NKAIN2: variants seen among roughly 807,000 people sequenced by gnomAD.
NKAIN2 encodes the protein sodium/potassium-transporting ATPase subunit beta-1-interacting protein 2.
A neutral mutation model predicts 32.6 loss-of-function variants in NKAIN2; 14 were observed. The observed-to-expected ratio is 0.43, with a 90% CI of 0.28 to 0.67. The LOEUF (loss-of-function observed/expected upper bound fraction) is 0.67, where lower values mean the gene tolerates loss of function less well. Among genes scored for constraint, NKAIN2 ranks in the 30% least tolerant of loss-of-function variants. The pLI, the probability that NKAIN2 is intolerant of heterozygous loss-of-function variation, is 0.17. For missense variants in NKAIN2, 198 were observed against 258.3 expected, an observed-to-expected ratio of 0.77 and a Z score of 1.60; for synonymous variants, 80 against 87.2, an observed-to-expected ratio of 0.92 and a Z score of 0.46.
chr6:124,124,049 G>A (rs1175594905), intron 1 of NKAIN2, among the ~76,000 whole-genome samples: 1 of 152,076 alleles, frequency 6.6e-6, no homozygotes, highest in African/African-American at 2.4e-5. Flanking sequence ...ACTAGACGAT[G>A]CAGCTATGAT....
In NKAIN2 at chr6:124,727,165, T is replaced by G. The variant is rs1298501411; in HGVS notation, c.475-64174T>G. ...ATTATCCAGGAGAACTTCCCCAATC[T>G]AGCAAGGCAGGCCAACGTTCAGATT... On this transcript the variant is annotated intron_variant, in intron 4 of 6. Transcript: ENST00000368417. Among the ~76,000 whole-genome samples the G allele has an allele frequency of 1.8e-4, 27 of 151,370 alleles. No individual in the cohort carries two copies. The South Asian group carries it at 5.2e-3, about 29-fold the overall frequency.
chr6:123,870,950 A>G (rs1478054826), intron 1 of NKAIN2, among the ~76,000 whole-genome samples: 1 of 152,098 alleles, frequency 6.6e-6, no homozygotes, highest in Non-Finnish European at 1.5e-5. Context: ...TCCAATCGTC[A>G]GAAGCACCTC....
chr6:124,101,939 G>A (rs187810128), intron 1 of NKAIN2, among the ~76,000 whole-genome samples: 1 of 152,198 alleles, frequency 6.6e-6, no homozygotes, highest in East Asian at 1.9e-4. Context: ...AAACTTCCTG[G>A]GATCCCAATT....
intron 1 of NKAIN2, among the ~76,000 whole-genome samples, chr6:124,271,317 C>T (rs562987422): frequency 2.2e-4 from 34 of 152,120 alleles, no homozygotes; most frequent in South Asian, 1.0e-3. Context: ...CCCGGGTTCA[C>T]GCCATTCTCC....
At chr6:124,116,204 A>G (rs1425121702) in intron 1 of NKAIN2, among the ~76,000 whole-genome samples, 2 of 152,068 alleles carry the variant, frequency 1.3e-5, no homozygotes, top group Non-Finnish European at 2.9e-5. Flanking sequence ...AAGTCTACAT[A>G]AAGAATATGT....
intron 1 of NKAIN2, among the ~76,000 whole-genome samples, chr6:123,911,443 A>T (rs1008419787): frequency 6.6e-6 from 1 of 151,846 alleles, no homozygotes; most frequent in Non-Finnish European, 1.5e-5. Flanking sequence ...CTCTCAGGGG[A>T]GCTCTCAAGG....
chr6:123,939,720 CT>C (rs1331428432), intron 1 of NKAIN2, among the ~76,000 whole-genome samples: 3 of 151,942 alleles, frequency 2.0e-5, no homozygotes, highest in Non-Finnish European at 4.4e-5. Context: ...AAAATGCTGC[CT>C]TAGTTCCTAT....
At chr6:123,995,954 A>C (rs1317803841) in intron 1 of NKAIN2, among the ~76,000 whole-genome samples, 1 of 152,010 alleles carries the variant, frequency 6.6e-6, no homozygotes, top group African/African-American at 2.4e-5. Flanking sequence ...TACTCAAATA[A>C]ATTTATTTTG....
chr6:123,967,870 G>A (rs1038765433), intron 1 of NKAIN2, among the ~76,000 whole-genome samples: 1 of 152,088 alleles, frequency 6.6e-6, no homozygotes, highest in Admixed American at 6.6e-5. Context: ...GCCCTGAGGA[G>A]CCAGTGTGCT....
At chr6:124,721,588 G>A (rs1330862628) in intron 4 of NKAIN2, among the ~76,000 whole-genome samples, 1 of 152,104 alleles carries the variant, frequency 6.6e-6, no homozygotes, top group African/African-American at 2.4e-5. Context: ...TAAATGGCTT[G>A]CATTATCAAC....
intron 3 of NKAIN2, among the ~76,000 whole-genome samples, chr6:124,531,123 G>A (rs1195013681): frequency 2.0e-5 from 3 of 152,218 alleles, no homozygotes; most frequent in Admixed American, 2.0e-4. Context: ...TCAGCAGCCT[G>A]TGACTCAGAA....
At chr6:124,179,321 T>A (rs555379010) in intron 1 of NKAIN2, among the ~76,000 whole-genome samples, 34 of 152,160 alleles carry the variant, frequency 2.2e-4, no homozygotes, top group Non-Finnish European at 3.7e-4. Flanking sequence ...ACACTAGACA[T>A]GTTCTTCAGC....
chr6:124,408,263 T>A (rs1440937990), intron 3 of NKAIN2, among the ~76,000 whole-genome samples: 1 of 152,178 alleles, frequency 6.6e-6, no homozygotes, highest in Non-Finnish European at 1.5e-5. Flanking sequence ...AGACATGAAG[T>A]CCTTGCCCAT....
chr6:123,934,390 A>C (rs1161788225), intron 1 of NKAIN2, among the ~76,000 whole-genome samples: 1 of 152,070 alleles, frequency 6.6e-6, no homozygotes, highest in Non-Finnish European at 1.5e-5. Context: ...TCTTAAACAC[A>C]TATCAAAGCC....
chr6:124,721,572 A>G (rs1776022475), intron 4 of NKAIN2, among the ~76,000 whole-genome samples: 2 of 152,176 alleles, frequency 1.3e-5, no homozygotes, highest in African/African-American at 4.8e-5. Context: ...TATTTTATAT[A>G]ATATTTAAAT....
At chr6:124,650,918 C>T (rs1784345856) in intron 3 of NKAIN2, among the ~76,000 whole-genome samples, 1 of 152,154 alleles carries the variant, frequency 6.6e-6, no homozygotes, top group Non-Finnish European at 1.5e-5. Flanking sequence ...ATGGATGAGA[C>T]TCAAAGCACA....
intron 1 of NKAIN2, among the ~76,000 whole-genome samples, chr6:124,098,706 T>C (rs1784749623): frequency 6.6e-6 from 1 of 151,974 alleles, no homozygotes; most frequent in African/African-American, 2.4e-5. Context: ...TCATCTCTAC[T>C]AAAATATACA....
Position 124,589,387 on chromosome 6 carries a change from C to T in NKAIN2, c.274-68799C>T, listed in dbSNP as rs192924211. On this transcript the variant is annotated intron_variant, in intron 3 of 6. Transcript: ENST00000368417. Reference sequence around the variant, plus strand: ...CCTCAATGGGAAGTACTCTAATATTCGTTAAATATTATATGACCTTCCTAA... The same window carrying T: ...CCTCAATGGGAAGTACTCTAATATTTGTTAAATATTATATGACCTTCCTAA... 7.9e-5 allele frequency among the ~76,000 whole-genome samples: 12 copies of T among 152,132 alleles called. 1 individual carries two copies. The highest frequency in any genetic ancestry group is 1.8e-4 in the Non-Finnish European group (12 of 68,026).
chr6:123,927,021 G>T (rs1416294152), intron 1 of NKAIN2, among the ~76,000 whole-genome samples: 3 of 152,288 alleles, frequency 2.0e-5, no homozygotes, highest in African/African-American at 7.2e-5. Context: ...TTAACTTGCT[G>T]ATAATGAAAT....
Sources: allele counts gnomAD v4.1 joint callset (sites outside exome capture counted in the v4.1 genomes callset), GRCh38; gene constraint gnomAD v4.1.1; transcripts MANE v1.5; gene names NCBI Gene and HGNC (gene_info 2026-07-23, HGNC 2026-07-21).